ZDHHC14: variants seen among roughly 807,000 people sequenced by gnomAD.
The protein encoded by ZDHHC14 is palmitoyltransferase ZDHHC14.
A neutral mutation model predicts 47.7 loss-of-function variants in ZDHHC14; 16 were observed. That is an observed-to-expected ratio of 0.34 (90% confidence interval 0.23 to 0.51). ZDHHC14 has a LOEUF of 0.51. Ranked by LOEUF, ZDHHC14 falls within the 20% of genes least tolerant of loss-of-function variation. The probability of loss-of-function intolerance (pLI) is 0.97; values close to 1 mark genes in which losing one functional copy is unlikely to be tolerated. For synonymous variants in ZDHHC14, 293 were observed against 278.9 expected, an observed-to-expected ratio of 1.05 and a Z score of -0.50; for missense variants, 515 against 662.5, an observed-to-expected ratio of 0.78 and a Z score of 2.44.
intron 1 of ZDHHC14, among the ~76,000 whole-genome samples, chr6:157,473,811 T>C (rs1779412275): frequency 6.6e-6 from 1 of 152,144 alleles, no homozygotes; most frequent in Non-Finnish European, 1.5e-5. Flanking sequence ...TCAGGCTACA[T>C]GTGTAAGGTG....
chr6:157,550,338 C>A (rs1018402082), intron 2 of ZDHHC14, among the ~76,000 whole-genome samples: 3 of 152,068 alleles, frequency 2.0e-5, no homozygotes, highest in African/African-American at 7.3e-5. Flanking sequence ...ACCACAGCGT[C>A]ACACAGGCAT....
intron 1 of ZDHHC14, among the ~76,000 whole-genome samples, chr6:157,535,323 A>C (rs1345032747): frequency 6.6e-6 from 1 of 152,124 alleles, no homozygotes; most frequent in East Asian, 1.9e-4. Context: ...TGTAGGGAAA[A>C]ACCAGATTTC....
At chr6:157,443,085 G>A (rs1446901243) in intron 1 of ZDHHC14, among the ~76,000 whole-genome samples, 1 of 152,162 alleles carries the variant, frequency 6.6e-6, no homozygotes, top group Non-Finnish European at 1.5e-5. Context: ...GGGACCTCGT[G>A]GGAGGTGATT....
chr6:157,442,549 G>A (rs1265253715), intron 1 of ZDHHC14, among the ~76,000 whole-genome samples: 3 of 152,312 alleles, frequency 2.0e-5, no homozygotes, highest in South Asian at 2.1e-4. Flanking sequence ...CCAGTGTGCC[G>A]GTTTGTTGGT....
chr6:157,497,339 A>G (rs1290318768), intron 1 of ZDHHC14, among the ~76,000 whole-genome samples: 2 of 152,212 alleles, frequency 1.3e-5, no homozygotes, highest in African/African-American at 2.4e-5. Context: ...TTTGAAAGGT[A>G]TAGTTTTGAA....
chr6:157,622,257 G>A (rs977828982), intron 3 of ZDHHC14, among the ~76,000 whole-genome samples: 18 of 150,604 alleles, frequency 1.2e-4, no homozygotes, highest in African/African-American at 2.9e-4. Flanking sequence ...ATGTGGCGGC[G>A]TGCATGCCTA....
rs1016493748 is a variant in ZDHHC14 at position 157,647,444 on chromosome 6, C to T, written c.965+76C>T. ...GCCTCGGCCGTTAGCACAGGCCGCC[C>T]GCCCTGGTGGAATGGGTCGCCGCCA... On this transcript the variant is annotated intron_variant, in intron 7 of 8. Transcript: ENST00000359775. 1.5e-5 allele frequency: 18 copies of T among 1,198,148 alleles called. 1 individual carries two copies. Among genetic ancestry groups the T allele is most frequent in the East Asian group, 4.9e-5 (2 of 40,582 alleles). The allele number at this position is 1,198,148 out of a possible 1,614,324, so 74.2% of individuals were successfully genotyped here. A position where few individuals can be genotyped will look rare whatever the true frequency, so the allele number is the denominator to read the frequency against.
intron 3 of ZDHHC14, among the ~76,000 whole-genome samples, chr6:157,620,264 C>T (rs960440876): frequency 6.6e-6 from 1 of 152,118 alleles, no homozygotes; most frequent in Non-Finnish European, 1.5e-5. Flanking sequence ...TCACATATGG[C>T]GAGGGGGCTG....
chr6:157,666,213 G>T (rs1034890795), intron 8 of ZDHHC14, among the ~76,000 whole-genome samples: 21 of 152,156 alleles, frequency 1.4e-4, no homozygotes, highest in Admixed American at 9.8e-4. Flanking sequence ...CTTTGGGATC[G>T]CATGCTAAAT....
chr6:157,607,116 T>C (rs1310522953), intron 3 of ZDHHC14, among the ~76,000 whole-genome samples: 1 of 152,246 alleles, frequency 6.6e-6, no homozygotes, highest in Non-Finnish European at 1.5e-5. Context: ...ATTATTGCTT[T>C]CTTTTGTCAT....
At chr6:157,414,036 A>G (rs1777923526) in intron 1 of ZDHHC14, among the ~76,000 whole-genome samples, 3 of 152,278 alleles carry the variant, frequency 2.0e-5, no homozygotes, top group African/African-American at 7.2e-5. Context: ...TCCTGGGTTC[A>G]AGCGATTCTC....
chr6:157,671,991 T>G (rs934711890), intron 8 of ZDHHC14, among the ~76,000 whole-genome samples: 1 of 152,208 alleles, frequency 6.6e-6, no homozygotes, highest in Non-Finnish European at 1.5e-5. Flanking sequence ...CTGCATGCCT[T>G]AAACACCAGC....
At position 157,503,582 on chromosome 6, in the gene ZDHHC14, A is replaced by G. The variant is rs151191783; in HGVS notation, c.246-39003A>G. Among the ~76,000 whole-genome samples, 120 of 152,286 alleles carry G rather than the reference A, an allele frequency of 7.9e-4. 5 individuals carry two copies. The highest frequency in any genetic ancestry group is 2.8e-3 in the African/African-American group (115 of 41,548). Reference sequence around the variant, plus strand: ...GACAAGTAGTCACTCAGAGTCACCTACTGTCTCCTGATGTGTCTTGATTTT... The same window carrying G: ...GACAAGTAGTCACTCAGAGTCACCTGCTGTCTCCTGATGTGTCTTGATTTT... On this transcript the variant is annotated intron_variant, in intron 1 of 8. Coordinates refer to ENST00000359775, the MANE Select transcript of ZDHHC14 (RefSeq NM_024630.3).
intron 3 of ZDHHC14, among the ~76,000 whole-genome samples, chr6:157,617,401 A>T (rs538583449): frequency 7.9e-5 from 12 of 152,128 alleles, no homozygotes; most frequent in Non-Finnish European, 1.6e-4. Context: ...TGAATTTTTT[A>T]AAAAATGGGT....
chr6:157,460,151 C>T (rs932868000), intron 1 of ZDHHC14, among the ~76,000 whole-genome samples: 6 of 150,802 alleles, frequency 4.0e-5, no homozygotes, highest in Non-Finnish European at 7.4e-5. Flanking sequence ...TGCAGTGAGC[C>T]GAGATTGCGC....
intron 5 of ZDHHC14, among the ~76,000 whole-genome samples, chr6:157,636,108 C>T (rs1276512096): frequency 1.3e-5 from 2 of 152,112 alleles, no homozygotes; most frequent in African/African-American, 4.8e-5. Flanking sequence ...CACACCCGCA[C>T]CTCCAGCCAA....
At chr6:157,547,290 C>T (rs1782013789) in intron 2 of ZDHHC14, among the ~76,000 whole-genome samples, 1 of 152,196 alleles carries the variant, frequency 6.6e-6, no homozygotes, top group Middle Eastern at 3.2e-3. Context: ...GTACGCAGAA[C>T]CAATCACTTT....
chr6:157,640,812 CGTT>C (rs955107566), intron 5 of ZDHHC14, among the ~76,000 whole-genome samples: 3 of 152,296 alleles, frequency 2.0e-5, no homozygotes, highest in South Asian at 4.1e-4. Flanking sequence ...AATATGTTCT[CGTT>C]GTAAAAAATC....
At chr6:157,565,369 A>G (rs924599132) in intron 2 of ZDHHC14, among the ~76,000 whole-genome samples, 1 of 152,232 alleles carries the variant, frequency 6.6e-6, no homozygotes, top group Non-Finnish European at 1.5e-5. Flanking sequence ...GTGCTTGCCT[A>G]TTGTGTGCCT....
Sources: allele counts gnomAD v4.1 joint callset (sites outside exome capture counted in the v4.1 genomes callset), GRCh38; gene constraint gnomAD v4.1.1; transcripts MANE v1.5; gene names NCBI Gene and HGNC (gene_info 2026-07-23, HGNC 2026-07-21).